Variants in NCAPH observed in about 807,000 individuals in gnomAD.
NCAPH encodes non-SMC condensin I complex subunit H.
NCAPH carries 38 observed loss-of-function variants against 85.5 expected under a neutral mutation model. The ratio of observed to expected loss-of-function variants is 0.44; its 90% confidence interval spans 0.34 to 0.58. NCAPH has a LOEUF of 0.58. Ranked by LOEUF, NCAPH falls within the 20% of genes least tolerant of loss-of-function variation. NCAPH has a pLI of 0.01. For synonymous variants in NCAPH, 301 were observed against 335.1 expected (o/e 0.90, Z 1.11); for missense variants, 789 against 916.6 (o/e 0.86, Z 1.80).
At chr2:96,348,190 CTTT>C (rs544549788) in intron 6 of NCAPH, among the ~76,000 whole-genome samples, 9 of 139,482 alleles carry the variant, frequency 6.5e-5, no homozygotes, top group Admixed American at 7.3e-5. Flanking sequence ...AGGTCTCTCT[CTTT>C]TTTTTTTTTT....
chr2:96,346,910 C>G (rs2064368368), intron 6 of NCAPH, among the ~76,000 whole-genome samples: 2 of 151,894 alleles, frequency 1.3e-5, no homozygotes, highest in Non-Finnish European at 2.9e-5. Context: ...AACCAAGAGA[C>G]AGTGTACTGG....
At chr2:96,372,863 T>C (rs990129885) in intron 17 of NCAPH, among the ~76,000 whole-genome samples, 13 of 152,198 alleles carry the variant, frequency 8.5e-5, no homozygotes, top group Admixed American at 6.5e-5. Context: ...TATATAAAAA[T>C]CATATATGTG....
chr2:96,340,536 G>A (rs2064278034), intron 1 of NCAPH, among the ~76,000 whole-genome samples: 3 of 151,762 alleles, frequency 2.0e-5, no homozygotes, highest in Non-Finnish European at 4.4e-5. Context: ...GATTACAGGC[G>A]CCCGCCCCCA....
intron 12 of NCAPH, among the ~76,000 whole-genome samples, chr2:96,362,263 T>A (rs1424442229): frequency 6.9e-6 from 1 of 145,424 alleles, no homozygotes; most frequent in Admixed American, 6.9e-5. Flanking sequence ...TGAGAGGGGG[T>A]CAAAATATCA....
At chr2:96,364,171 T>C (rs905677918) in intron 12 of NCAPH, among the ~76,000 whole-genome samples, 3 of 152,208 alleles carry the variant, frequency 2.0e-5, no homozygotes, top group Admixed American at 6.5e-5. Flanking sequence ...AGGGTAGATT[T>C]TCCAACTTTT....
chr2:96,350,471 CTATTTTTAGG>C (rs1168551269), intron 6 of NCAPH, among the ~76,000 whole-genome samples: 6 of 151,992 alleles, frequency 3.9e-5, no homozygotes, highest in Admixed American at 3.3e-4. Context: ...TAGGAGTAAC[CTATTTTTAGG>C]TATTTTTAGG....
At chr2:96,372,313 TGGA>T (rs2064784723) in intron 17 of NCAPH, among the ~76,000 whole-genome samples, 1 of 151,624 alleles carries the variant, frequency 6.6e-6, no homozygotes, top group African/African-American at 2.4e-5. Flanking sequence ...GAGGGGTGCC[TGGA>T]GGAGGTGCGC....
chr2:96,338,092 A>G (rs1467405022), intron 1 of NCAPH, among the ~76,000 whole-genome samples: 1 of 151,732 alleles, frequency 6.6e-6, no homozygotes, highest in Non-Finnish European at 1.5e-5. Context: ...ACACCTTGCT[A>G]ATTTTTGTAT....
At chr2:96,354,117 C>T (rs2064487731) in intron 8 of NCAPH, 66 bp from the exon 9 acceptor site, 1 of 1,465,020 alleles carries the variant, frequency 6.8e-7, no homozygotes, top group South Asian at 1.2e-5. Context: ...AGAAGGCTGT[C>T]CCTCCAGTGG....
Position 96,375,450 on chromosome 2 carries a change from C to A in NCAPH, c.*2099C>A, listed in dbSNP as rs913703119. On this transcript the variant is annotated 3_prime_UTR_variant, in exon 18 of 18. Coordinates refer to ENST00000240423, the MANE Select transcript of NCAPH (RefSeq NM_015341.5). ...GGGATTAGTGCTCTTATAAAAGAGG[C>A]CTGAGGAAGCTTGTTCGTTCCTCTT... Among the ~76,000 whole-genome samples the A allele has an allele frequency of 2.0e-5, 3 of 152,076 alleles. No individual in the cohort carries two copies. The highest frequency in any genetic ancestry group is 4.4e-5 in the Non-Finnish European group (3 of 68,028).
At chr2:96,349,901 A>G (rs2064414313) in intron 6 of NCAPH, among the ~76,000 whole-genome samples, 1 of 152,226 alleles carries the variant, frequency 6.6e-6, no homozygotes, top group African/African-American at 2.4e-5. Flanking sequence ...CAGAGTTGGT[A>G]GGGCTCAGAG....
Position 96,365,863 on chromosome 2 carries a change from G to GT in NCAPH, c.1699-10dup. 1.2e-6 allele frequency: 2 copies of GT among 1,614,138 alleles called. No homozygotes were observed. Among genetic ancestry groups the GT allele is most frequent in the South Asian group, 2.2e-5 (2 of 91,074 alleles). On this transcript the variant is annotated splice_polypyrimidine_tract_variant and intron_variant, in intron 13 of 17. Transcript: ENST00000240423. ...CAGCGTCCACCAAACTCGAAGAGCTGTTTCTTGCCCAGGCTGCTGACAGTG... is the reference window on the plus strand; with the variant it reads ...CAGCGTCCACCAAACTCGAAGAGCTGTTTTCTTGCCCAGGCTGCTGACAGTG...
At position 96,373,441 on chromosome 2, in the gene NCAPH, CT is replaced by C; in HGVS notation, c.*92del. 1 of 1,261,646 alleles carries C rather than the reference CT, an allele frequency of 7.9e-7. No individual in the cohort carries two copies. The highest frequency in any genetic ancestry group is 1.5e-5 in the African/African-American group (1 of 67,546). The allele number at this position is 1,261,646 out of a possible 1,614,324, so 78.2% of individuals were successfully genotyped here. On this transcript the variant is annotated 3_prime_UTR_variant, in exon 18 of 18. Transcript: ENST00000240423. ...TCTCGGGGGAAGAAGATGCCATGGG[CT>C]TATACCCAGGCTGTAGCCAACTACC...
At chr2:96,352,911 A>G (rs1455126490) in intron 7 of NCAPH, among the ~76,000 whole-genome samples, 1 of 152,238 alleles carries the variant, frequency 6.6e-6, no homozygotes, top group East Asian at 1.9e-4. Context: ...GGGACTAAAA[A>G]TAAGTTAAAG....
At chr2:96,350,424 G>T (rs1263100586) in intron 6 of NCAPH, among the ~76,000 whole-genome samples, 2 of 152,086 alleles carry the variant, frequency 1.3e-5, no homozygotes, top group Non-Finnish European at 2.9e-5. Flanking sequence ...GGCTCCAGGT[G>T]GGAAACCATT....
At chr2:96,364,988 G>A (rs2064675172) in intron 13 of NCAPH, among the ~76,000 whole-genome samples, 1 of 152,118 alleles carries the variant, frequency 6.6e-6, no homozygotes, top group South Asian at 2.1e-4. Context: ...GTGATCTGGT[G>A]TGGCAAAAAA....
chr2:96,368,863 TTTTCATTTTGTTTA>T, intron 15 of NCAPH, 95 bp from the exon 16 acceptor site: 1 of 923,524 alleles, frequency 1.1e-6, no homozygotes, highest in Non-Finnish European at 1.6e-6. Context: ...AAGAAATTTG[TTTTCATTTTGTTTA>T]GGTATAGACT....
intron 4 of NCAPH, 38 bp downstream of exon 4, chr2:96,342,886 AATG>A: frequency 1.3e-6 from 2 of 1,535,760 alleles, no homozygotes; most frequent in Non-Finnish European, 1.8e-6. Context: ...ATCTGAATTA[AATG>A]ATGATGATTT....
At chr2:96,354,411 G>A (rs749100755) in intron 9 of NCAPH, 23 bp downstream of exon 9, 2 of 1,506,588 alleles carry the variant, frequency 1.3e-6, no homozygotes, top group South Asian at 2.6e-5. Flanking sequence ...GAGTCCGAAA[G>A]TGTTTCTATA....
Sources: gnomAD v4.1 joint callset for allele counts (sites outside exome capture counted in the v4.1 genomes callset) on GRCh38, gnomAD v4.1.1 for gene constraint, MANE v1.5 for transcripts, NCBI Gene and HGNC (gene_info 2026-07-23, HGNC 2026-07-21) for gene names.